Variants in SUPT3H observed in about 807,000 individuals in gnomAD.
The protein encoded by SUPT3H is SPT3 homolog, SAGA and STAGA complex component.
Under a neutral mutation model 44.3 loss-of-function variants are expected in SUPT3H, and 44 were observed. The observed-to-expected ratio is 0.99, with a 90% CI of 0.78 to 1.28. SUPT3H has a LOEUF of 1.28. Ranked by LOEUF, SUPT3H falls within the 50% of genes most tolerant of loss-of-function variation. The probability of loss-of-function intolerance (pLI) is 0.00; values close to 1 mark genes in which losing one functional copy is unlikely to be tolerated. For missense variants in SUPT3H, 380 were observed against 387.1 expected (o/e 0.98, Z 0.15); for synonymous variants, 124 against 125.6 (o/e 0.99, Z 0.09).
At chr6:44,973,121 T>C (rs567686963) in intron 6 of SUPT3H, among the ~76,000 whole-genome samples, 3 of 152,350 alleles carry the variant, frequency 2.0e-5, no homozygotes, top group South Asian at 4.1e-4. Flanking sequence ...TATGCTCTGG[T>C]TCCCTTTTAA....
chr6:45,218,640 A>C (rs1584322482), intron 2 of SUPT3H, among the ~76,000 whole-genome samples: 1 of 152,244 alleles, frequency 6.6e-6, no homozygotes, highest in Non-Finnish European at 1.5e-5. Flanking sequence ...AAGCTGAGGC[A>C]GGAGAATCAC....
intron 10 of SUPT3H, among the ~76,000 whole-genome samples, chr6:44,912,623 C>G (rs1767229525): frequency 6.6e-6 from 1 of 152,168 alleles, no homozygotes; most frequent in Non-Finnish European, 1.5e-5. Context: ...AGTGCTGCCC[C>G]ACAAGAATCA....
intron 3 of SUPT3H, among the ~76,000 whole-genome samples, chr6:45,071,463 T>C (rs141066315): frequency 6.6e-6 from 1 of 151,948 alleles, no homozygotes; most frequent in East Asian, 1.9e-4. Flanking sequence ...ATGCTTGGAG[T>C]CAAGGAGAAA....
chr6:45,229,625 A>AAC (rs1767587137), intron 2 of SUPT3H, among the ~76,000 whole-genome samples: 1 of 152,158 alleles, frequency 6.6e-6, no homozygotes, highest in South Asian at 2.1e-4. Flanking sequence ...CTATTCCGAG[A>AAC]ACACATTAAA....
chr6:44,968,044 C>A (rs1037954335), intron 6 of SUPT3H, among the ~76,000 whole-genome samples: 1 of 152,102 alleles, frequency 6.6e-6, no homozygotes, highest in Non-Finnish European at 1.5e-5. Context: ...CCTCCTGCCT[C>A]GGCCTCCCAA....
chr6:44,882,345 A>C (rs1254102461), intron 10 of SUPT3H, among the ~76,000 whole-genome samples: 1 of 152,202 alleles, frequency 6.6e-6, no homozygotes, highest in Non-Finnish European at 1.5e-5. Context: ...GAAGAAGTAC[A>C]ATCCCTGATT....
At chr6:45,142,426 C>T (rs752109159) in intron 2 of SUPT3H, among the ~76,000 whole-genome samples, 1 of 152,018 alleles carries the variant, frequency 6.6e-6, no homozygotes, top group Non-Finnish European at 1.5e-5. Context: ...TATAAAGGGC[C>T]TAAATGCTCC....
chr6:44,934,061 A>C (rs947515004), intron 9 of SUPT3H, among the ~76,000 whole-genome samples: 3 of 152,236 alleles, frequency 2.0e-5, no homozygotes, highest in Non-Finnish European at 4.4e-5. Context: ...GCATATTACT[A>C]TAACGGGTCT....
intron 1 of SUPT3H, among the ~76,000 whole-genome samples, chr6:45,372,472 T>C (rs930608249): frequency 6.6e-6 from 1 of 152,204 alleles, no homozygotes; most frequent in African/African-American, 2.4e-5. Flanking sequence ...AAGTGAAATA[T>C]ACAGAATTCA....
intron 2 of SUPT3H, among the ~76,000 whole-genome samples, chr6:45,304,982 T>C (rs1484627104): frequency 6.6e-6 from 1 of 152,236 alleles, no homozygotes; most frequent in Non-Finnish European, 1.5e-5. Context: ...ATCTTCTTTT[T>C]GAATACATAA....
At chr6:44,957,086 T>C (rs987184091) in intron 7 of SUPT3H, among the ~76,000 whole-genome samples, 1 of 152,160 alleles carries the variant, frequency 6.6e-6, no homozygotes, top group East Asian at 1.9e-4. Context: ...AGGGAAAGAT[T>C]GATAGTGAAG....
At chr6:45,030,403 C>T (rs190399881) in intron 3 of SUPT3H, among the ~76,000 whole-genome samples, 1 of 152,172 alleles carries the variant, frequency 6.6e-6, no homozygotes, top group Admixed American at 6.5e-5. Context: ...CCCTTCTGTT[C>T]ACATTTGTAA....
At chr6:45,264,637 C>T (rs1774959118) in intron 2 of SUPT3H, among the ~76,000 whole-genome samples, 1 of 152,188 alleles carries the variant, frequency 6.6e-6, no homozygotes, top group Non-Finnish European at 1.5e-5. Context: ...CCTAAACTGT[C>T]TAGCCCTGCA....
At chr6:44,952,283 T>C (rs1412929531) in intron 9 of SUPT3H, among the ~76,000 whole-genome samples, 1 of 152,216 alleles carries the variant, frequency 6.6e-6, no homozygotes, top group Admixed American at 6.5e-5. Flanking sequence ...TCAGAATGTC[T>C]CTGAACAATC....
intron 2 of SUPT3H, among the ~76,000 whole-genome samples, chr6:45,202,873 T>C (rs1762648188): frequency 6.6e-6 from 1 of 152,028 alleles, no homozygotes; most frequent in Admixed American, 6.6e-5. Context: ...TAGAAATAAA[T>C]GATAATATAA....
intron 2 of SUPT3H, among the ~76,000 whole-genome samples, chr6:45,210,566 C>T (rs1242067502): frequency 6.6e-6 from 1 of 152,156 alleles, no homozygotes; most frequent in Non-Finnish European, 1.5e-5. Context: ...ATATCTTACA[C>T]ATATTGATTG....
intron 10 of SUPT3H, among the ~76,000 whole-genome samples, chr6:44,859,293 G>C (rs1288357264): frequency 6.6e-6 from 1 of 152,198 alleles, no homozygotes; most frequent in Non-Finnish European, 1.5e-5. Context: ...GAAGGAAACA[G>C]AACTTGTTTT....
intron 11 of SUPT3H, among the ~76,000 whole-genome samples, chr6:44,810,784 T>C (rs1476171319): frequency 1.3e-5 from 2 of 151,944 alleles, no homozygotes; most frequent in Non-Finnish European, 2.9e-5. Flanking sequence ...CACATGCCTG[T>C]AGTCCCAGCT....
intron 3 of SUPT3H, among the ~76,000 whole-genome samples, chr6:45,065,068 C>T (rs1793008071): frequency 6.6e-6 from 1 of 150,736 alleles, no homozygotes; most frequent in Non-Finnish European, 1.5e-5. Flanking sequence ...AAGTAAAGCT[C>T]TCCTCAGCAA....
Sources: gnomAD v4.1 joint callset for allele counts (sites outside exome capture counted in the v4.1 genomes callset) on GRCh38, gnomAD v4.1.1 for gene constraint, MANE v1.5 for transcripts, NCBI Gene and HGNC (gene_info 2026-07-23, HGNC 2026-07-21) for gene names.